The following GABRG3 variants were observed in gnomAD, a reference collection of about 807,000 sequenced individuals.
GABRG3 encodes gamma-aminobutyric acid type A receptor subunit gamma3, also known as gamma-aminobutyric acid receptor subunit gamma-3.
Under a neutral mutation model 48.8 loss-of-function variants are expected in GABRG3, and 25 were observed. The ratio of observed to expected loss-of-function variants is 0.51; its 90% CI spans 0.37 to 0.72. The LOEUF (loss-of-function observed/expected upper bound fraction) is 0.72. Ranked by LOEUF, GABRG3 falls within the 30% of genes least tolerant of loss-of-function variation. The pLI is 0.00. For synonymous variants in GABRG3, 227 were observed against 217.6 expected (o/e 1.04, Z -0.38); for missense variants, 394 against 577.9 (o/e 0.68, Z 3.26).
intron 2 of GABRG3, among the ~76,000 whole-genome samples, chr15:26,983,379 G>C (rs1895090907): frequency 6.6e-6 from 1 of 152,256 alleles, no homozygotes; most frequent in South Asian, 2.1e-4. Context: ...CTGATGGCGA[G>C]AGACAAAGAA....
intron 3 of GABRG3, among the ~76,000 whole-genome samples, chr15:27,160,765 A>G (rs948980015): frequency 6.6e-6 from 1 of 151,702 alleles, no homozygotes; most frequent in Non-Finnish European, 1.5e-5. Flanking sequence ...ATGATAGAGC[A>G]TTTCCCTACT....
At chr15:27,514,163 G>T (rs1042166407) in intron 6 of GABRG3, among the ~76,000 whole-genome samples, 1 of 152,232 alleles carries the variant, frequency 6.6e-6, no homozygotes, top group Non-Finnish European at 1.5e-5. Context: ...CCATGGAGAA[G>T]AATACAAAGA....
intron 3 of GABRG3, among the ~76,000 whole-genome samples, chr15:27,313,262 G>GTGTA (rs1430430961): frequency 5.5e-4 from 19 of 34,544 alleles, no homozygotes; most frequent in South Asian, 2.6e-3. Context: ...GTGTGTGTGT[G>GTGTA]TATATATATA....
At chr15:27,279,450 GACTT>G (rs1322753673) in intron 3 of GABRG3, among the ~76,000 whole-genome samples, 2 of 149,512 alleles carry the variant, frequency 1.3e-5, no homozygotes, top group African/African-American at 5.1e-5. Flanking sequence ...TAAAGTATGA[GACTT>G]AGTTTTAGGT....
At chr15:27,062,510 A>G (rs1471172741) in intron 3 of GABRG3, among the ~76,000 whole-genome samples, 1 of 150,106 alleles carries the variant, frequency 6.7e-6, no homozygotes, top group Non-Finnish European at 1.5e-5. Flanking sequence ...CAGGAGGCTG[A>G]GGCAGGAGAA....
At chr15:27,193,546 G>C (rs1888399968) in intron 3 of GABRG3, among the ~76,000 whole-genome samples, 1 of 152,094 alleles carries the variant, frequency 6.6e-6, no homozygotes, top group African/African-American at 2.4e-5. Flanking sequence ...TAATCTCCTG[G>C]TGCGCCGTTT....
At chr15:27,143,924 G>C (rs1282464227) in intron 3 of GABRG3, among the ~76,000 whole-genome samples, 1 of 152,022 alleles carries the variant, frequency 6.6e-6, no homozygotes, top group African/African-American at 2.4e-5. Flanking sequence ...ACTAGAAAAC[G>C]GGAAATTTAT....
intron 5 of GABRG3, among the ~76,000 whole-genome samples, chr15:27,366,626 C>T (rs973119154): frequency 6.6e-6 from 1 of 152,134 alleles, no homozygotes; most frequent in African/African-American, 2.4e-5. Context: ...GGAACGAACC[C>T]AAGCTGTGTC....
In GABRG3 at chr15:27,421,124, C is replaced by T. The variant is rs148742398; in HGVS notation, c.575-59526C>T. Among the ~76,000 whole-genome samples the T allele has an allele frequency of 2.6e-3, 403 of 152,282 alleles. 2 individuals carry two copies. The highest frequency in any genetic ancestry group is 9.2e-3 in the African/African-American group (384 of 41,552). On this transcript the variant is annotated intron_variant, in intron 5 of 9. Coordinates refer to ENST00000615808, the MANE Select transcript of GABRG3 (RefSeq NM_033223.5). Reference sequence around the variant, plus strand: ...CTGGTTTCCCTGGATACTGGCTCCTCGACCGATGACACATGCTGCTCACCA... The same window carrying T: ...CTGGTTTCCCTGGATACTGGCTCCTTGACCGATGACACATGCTGCTCACCA...
At chr15:27,244,316 G>A (rs1890213629) in intron 3 of GABRG3, among the ~76,000 whole-genome samples, 1 of 152,188 alleles carries the variant, frequency 6.6e-6, no homozygotes, top group African/African-American at 2.4e-5. Context: ...GATGGGCAGA[G>A]GGCAGAGGTC....
chr15:27,208,798 C>CTGAGAGCCAGAAATTAATCT (rs1233602420), intron 3 of GABRG3, among the ~76,000 whole-genome samples: 2 of 152,172 alleles, frequency 1.3e-5, no homozygotes, highest in Non-Finnish European at 2.9e-5. Flanking sequence ...ATGAGTGCTG[C>CTGAGAGCCAGAAATTAATCT]TGAGAGCCAG....
chr15:27,464,506 C>T (rs1322395041), intron 5 of GABRG3, among the ~76,000 whole-genome samples: 4 of 152,134 alleles, frequency 2.6e-5, no homozygotes, highest in South Asian at 4.2e-4. Flanking sequence ...CTGGGTCCTA[C>T]GGTAACTCTG....
At chr15:27,439,063 G>GT (rs1277329482) in intron 5 of GABRG3, among the ~76,000 whole-genome samples, 1 of 152,160 alleles carries the variant, frequency 6.6e-6, no homozygotes, top group Non-Finnish European at 1.5e-5. Context: ...AAGCCACCTT[G>GT]TTTTTGCTGT....
intron 3 of GABRG3, among the ~76,000 whole-genome samples, chr15:27,304,764 A>G (rs948393637): frequency 3.3e-5 from 5 of 152,020 alleles, no homozygotes; most frequent in African/African-American, 1.2e-4. Context: ...TGATATCCAA[A>G]GTACTATTTG....
rs1167776702 is a variant in GABRG3, at chr15:27,457,619, C to T, written c.575-23031C>T. Among the ~76,000 whole-genome samples, 1 of 152,180 alleles carries T rather than the reference C, an allele frequency of 6.6e-6. No individual in the cohort carries two copies. The highest frequency in any genetic ancestry group is 6.5e-5 in the Admixed American group (1 of 15,278). On this transcript the variant is annotated intron_variant, in intron 5 of 9. Coordinates refer to ENST00000615808, the MANE Select transcript of GABRG3 (RefSeq NM_033223.5). This position sits in a 1 kb window ranked among gnomAD's most constrained non-coding sequence, Gnocchi z 4.4. Reference sequence around the variant, plus strand: ...CTTGGCCAGGATTGATCCACTGTACCAGCCCTGCCCTCTCTAGGACGGGCT... The same window carrying T: ...CTTGGCCAGGATTGATCCACTGTACTAGCCCTGCCCTCTCTAGGACGGGCT...
chr15:27,539,985 T>C lies in GABRG3; in HGVS notation c.*7104T>C, dbSNP rs1206620200. ...ATAACCATCATCACCCTCATTGTCC[T>C]CTTCCATGTTTCTACTAGTACTCAG... On this transcript the variant is annotated 3_prime_UTR_variant, in exon 10 of 10. Coordinates refer to ENST00000615808, the MANE Select transcript of GABRG3 (RefSeq NM_033223.5). 1 of 152,234 alleles carries C rather than the reference T, an allele frequency of 6.6e-6. No homozygotes were observed. The highest frequency in any genetic ancestry group is 1.5e-5 in the Non-Finnish European group (1 of 68,040). 9.4% of individuals were successfully genotyped at this position (152,234 alleles called of 1,614,324 possible).
chr15:27,006,412 G>C (rs1895586031), intron 2 of GABRG3, among the ~76,000 whole-genome samples: 1 of 152,108 alleles, frequency 6.6e-6, no homozygotes, highest in African/African-American at 2.4e-5. Context: ...ATGTTGCCAG[G>C]CTGGTCTCAA....
chr15:27,313,258 GTGTGTATATATATATATATATATATATA>G (rs1284758683), intron 3 of GABRG3, among the ~76,000 whole-genome samples: 1 of 53,052 alleles, frequency 1.9e-5, no homozygotes, highest in African/African-American at 9.1e-5. Context: ...GTGTGTGTGT[GTGTGTATATATATATATATATATATATA>G]TATATATATA....
chr15:27,028,185 G>A (rs1471270972), intron 3 of GABRG3, among the ~76,000 whole-genome samples: 1 of 152,138 alleles, frequency 6.6e-6, no homozygotes, highest in Non-Finnish European at 1.5e-5. Flanking sequence ...ACGGTGATAC[G>A]GCCCTGCTGC....
Sources: gnomAD v4.1 joint callset for allele counts (sites outside exome capture counted in the v4.1 genomes callset) on GRCh38, gnomAD v4.1.1 for gene constraint, Gnocchi (gnomAD v3.1) non-coding constraint, MANE v1.5 for transcripts, NCBI Gene and HGNC (gene_info 2026-07-23, HGNC 2026-07-21) for gene names.